TMEM179B: variants seen among roughly 807,000 people sequenced by gnomAD.
TMEM179B encodes the protein transmembrane protein 179B.
Under a neutral mutation model 18.0 loss-of-function variants are expected in TMEM179B, and 13 were observed. That is an observed-to-expected ratio of 0.72 (90% CI 0.47 to 1.15). The LOEUF is 1.15. TMEM179B is among the 50% of genes most tolerant of loss of function. The pLI is 0.00. For synonymous variants in TMEM179B, 159 were observed against 117.5 expected (o/e 1.35, Z -2.29); for missense variants, 320 against 270.6 (o/e 1.18, Z -1.28).
At position 62,789,293 on chromosome 11, in the gene TMEM179B, G is replaced by C. The variant is rs1012454474; in HGVS notation, c.286G>C (p.Gly96Arg). 1 of 1,614,098 alleles carries C rather than the reference G, an allele frequency of 6.2e-7. No individual in the cohort carries two copies. The highest frequency in any genetic ancestry group is 1.7e-5 in the Admixed American group (1 of 60,006). The change falls in exon 3 of 5, where the codon GGT (glycine) becomes CGT (arginine). Residue 96 changes from glycine (G) to arginine (R), a missense_variant and splice_region_variant. Physicochemically the swap from Gly to Arg is moderately radical, Grantham distance 125. Coordinates refer to ENST00000333449, the MANE Select transcript of TMEM179B (RefSeq NM_199337.3). ...YSSCIEDSHR[G>R]AIGLRIALAI... ...CAAGGCTTGTTCTCTCCCTTTCAGAGGTGCTATAGGGCTGCGCATTGCACT... is the reference window on the plus strand; with the variant it reads ...CAAGGCTTGTTCTCTCCCTTTCAGACGTGCTATAGGGCTGCGCATTGCACT...
intron 1 of TMEM179B, among the ~76,000 whole-genome samples, chr11:62,788,424 GC>G (rs1447395906): frequency 6.6e-6 from 1 of 151,320 alleles, no homozygotes; most frequent in African/African-American, 2.4e-5. Context: ...AAAAACACTG[GC>G]CGGGCCTGGT....
chr11:62,789,020 C>T lies in TMEM179B; in HGVS notation c.97-3C>T. ...TCTAGGACTCAGCAGCTTCTCTCCA[C>T]AGGGCTCCTTCAGTGGTAGATGTCC... On this transcript the variant is annotated splice_region_variant and splice_polypyrimidine_tract_variant and intron_variant, in intron 1 of 4. Transcript: ENST00000333449. 1 of 1,609,568 alleles carries T rather than the reference C, an allele frequency of 6.2e-7. No individual in the cohort carries two copies. The highest frequency in any genetic ancestry group is 8.5e-7 in the Non-Finnish European group (1 of 1,176,662).
rs757770845 is a variant in TMEM179B, at chr11:62,789,904, T to A, written c.517T>A (p.Leu173Met). Residue 173 changes from leucine to methionine, a missense_variant, in exon 5 of 5, where the codon TTG becomes ATG. By Grantham distance (15) the Leu-to-Met change is conservative. Transcript: ENST00000333449. ...CCTACAGACCTCTTCTTGGGTGAAT[T>A]TGGTATTGTGGTGTGTGGTCTTGGT... Reference protein sequence around the residue: ...HNAETSSWVNLVLWCVVLVLQ... With the variant: ...HNAETSSWVNMVLWCVVLVLQ... The A allele has an allele frequency of 8.7e-5, 141 of 1,613,716 alleles. No homozygotes were observed. Among genetic ancestry groups the A allele is most frequent in the Non-Finnish European group, 8.4e-5 (99 of 1,179,898 alleles).
chr11:62,789,545 T>C, intron 3 of TMEM179B, 56 bp from the exon 4 acceptor site: 1 of 1,567,462 alleles, frequency 6.4e-7, no homozygotes, highest in Non-Finnish European at 8.7e-7. Context: ...TGGGCACAGG[T>C]GTGCCTCGGA....
At chr11:62,789,518 C>T in intron 3 of TMEM179B, 83 bp from the exon 4 acceptor site, 1 of 1,590,710 alleles carries the variant, frequency 6.3e-7, no homozygotes, top group Non-Finnish European at 8.6e-7. Context: ...ATCAGTTGCT[C>T]TCAACTCACA....
In TMEM179B at chr11:62,789,639, G is replaced by T. The variant is rs767497838; in HGVS notation, c.458G>T (p.Gly153Val). 30 of 1,550,016 alleles carry T rather than the reference G, an allele frequency of 1.9e-5. No individual in the cohort carries two copies. In the South Asian group the frequency reaches 3.2e-4, roughly 16 times the overall value. The change falls in exon 4 of 5, where the codon GGA becomes GTA. Residue 153 changes from glycine to valine, a missense_variant. Coordinates refer to ENST00000333449, the MANE Select transcript of TMEM179B (RefSeq NM_199337.3). The part of the protein sequence containing the change: ...EAQKIPWTPP[G>V]TALQFYSNLH... ...CAGAAAATTCCATGGACACCCCCTG[G>T]AACTGCTCTGCAGTTTTACTCCAAC...
chr11:62,788,008 T>A lies in TMEM179B; in HGVS notation c.96+481T>A. On this transcript the variant is annotated intron_variant, in intron 1 of 4. Transcript: ENST00000333449. ...CTGACGTAAAGGTAGAAGCCAATAA[T>A]TTACATCGTTTACCCCAGCCAGGTA... 3 of 460,452 alleles carry A rather than the reference T, an allele frequency of 6.5e-6. No homozygotes were observed. The Admixed American group carries it at 7.0e-5, about 11-fold the overall frequency. The allele number at this position is 460,452 out of a possible 1,614,324, so 28.5% of individuals were successfully genotyped here.
In TMEM179B at chr11:62,790,258, TTGA is replaced by T. The variant is rs1359055055; in HGVS notation, c.*214_*216del. On this transcript the variant is annotated 3_prime_UTR_variant, in exon 5 of 5. Coordinates refer to ENST00000333449, the MANE Select transcript of TMEM179B (RefSeq NM_199337.3). ...CTGTCTTCATCTTAGTAGTGAGTTTTTGATGTTAAAGTACAACTAGATAGGAGG... is the reference window on the plus strand; with the variant it reads ...CTGTCTTCATCTTAGTAGTGAGTTTTTGTTAAAGTACAACTAGATAGGAGG... The T allele has an allele frequency of 3.4e-6, 2 of 596,384 alleles. No individual in the cohort carries two copies. The highest frequency in any genetic ancestry group is 7.2e-5 in the Admixed American group (2 of 27,716). The allele number at this position is 596,384 out of a possible 1,614,324, so 36.9% of individuals were successfully genotyped here. A position where few individuals can be genotyped will look rare whatever the true frequency, so the allele number is the denominator to read the frequency against.
chr11:62,787,573 C>G (rs775572496), intron 1 of TMEM179B, 46 bp downstream of exon 1: 29 of 1,487,522 alleles, frequency 1.9e-5, no homozygotes, highest in Middle Eastern at 2.4e-4. Context: ...GCTGGCCGGT[C>G]TGGACATGGC....
intron 1 of TMEM179B, chr11:62,787,900 AG>A: frequency 1.9e-6 from 1 of 532,016 alleles, no homozygotes; most frequent in South Asian, 1.5e-5. Flanking sequence ...CGAGAAATAA[AG>A]CATAGTGTAG....
In TMEM179B at chr11:62,787,902, C is replaced by T. The variant is rs142016442; in HGVS notation, c.96+375C>T. On this transcript the variant is annotated intron_variant, in intron 1 of 4. Coordinates refer to ENST00000333449, the MANE Select transcript of TMEM179B (RefSeq NM_199337.3). Reference sequence around the variant, plus strand: ...TGCTGAGCTTTGTCGAGAAATAAAGCATAGTGTAGTGGAGATGATCAAGCT... The same window carrying T: ...TGCTGAGCTTTGTCGAGAAATAAAGTATAGTGTAGTGGAGATGATCAAGCT... The T allele has an allele frequency of 1.4e-3, 764 of 531,582 alleles. 5 individuals are homozygous for T. Among genetic ancestry groups the T allele is most frequent in the African/African-American group, 7.9e-3 (418 of 53,010 alleles). 32.9% of individuals were successfully genotyped at this position (531,582 alleles called of 1,614,324 possible). A position where few individuals can be genotyped will look rare whatever the true frequency, so the allele number is the denominator to read the frequency against.
At chr11:62,788,993 A>C (rs778354387) in intron 1 of TMEM179B, 30 bp from the exon 2 acceptor site, 33 of 1,589,922 alleles carry the variant, frequency 2.1e-5, no homozygotes, top group Non-Finnish European at 2.7e-5. Flanking sequence ...ATTAACCTGA[A>C]ATCTAGGACT....
chr11:62,790,156 G>C lies in TMEM179B; in HGVS notation c.*109G>C. 1 of 1,284,378 alleles carries C rather than the reference G, an allele frequency of 7.8e-7. No individual in the cohort carries two copies. The highest frequency in any genetic ancestry group is 1.0e-6 in the Non-Finnish European group (1 of 965,264). The allele number at this position is 1,284,378 out of a possible 1,614,324, so 79.6% of individuals were successfully genotyped here. A position where few individuals can be genotyped will look rare whatever the true frequency, so the allele number is the denominator to read the frequency against. On this transcript the variant is annotated 3_prime_UTR_variant, in exon 5 of 5. Transcript: ENST00000333449. ...GGAGTCTTAGTTTTCCTTTCGTTGG[G>C]GGGTGGGGGGGAAACATAATGACAG...
rs200502621 is a variant in TMEM179B, at chr11:62,790,084, A to G, written c.*37A>G. The stretch of plus-strand genomic sequence containing the variant: ...AGTGCTTCCTGCAGCCGAAGACTCC[A>G]TGCCCAAGTGCCTGTAATCCCCCCC... On this transcript the variant is annotated 3_prime_UTR_variant, in exon 5 of 5. Transcript: ENST00000333449. 333 of 1,551,794 alleles carry G rather than the reference A, an allele frequency of 2.1e-4. No individual in the cohort carries two copies. Among genetic ancestry groups the G allele is most frequent in the Middle Eastern group, 1.1e-3 (5 of 4,594 alleles).
At position 62,789,162 on chromosome 11, in the gene TMEM179B, T is replaced by C. The variant is rs1381641187; in HGVS notation, c.236T>C (p.Leu79Pro). Reference sequence around the variant, plus strand: ...GGCCTCTTGGCCCTCTACTGCCTCCTGCTTTTGCTCTTCTGGATCTACAGC... The same window carrying C: ...GGCCTCTTGGCCCTCTACTGCCTCCCGCTTTTGCTCTTCTGGATCTACAGC... ...ASGLLALYCL[L>P]LLLFWIYSSC... Residue 79 changes from leucine (L) to proline (P), a missense_variant, in exon 2 of 5, where the codon CTG (leucine) becomes CCG (proline). Transcript: ENST00000333449. 1 of 1,614,230 alleles carries C rather than the reference T, an allele frequency of 6.2e-7. No homozygotes were observed. Among genetic ancestry groups the C allele is most frequent in the Non-Finnish European group, 8.5e-7 (1 of 1,180,044 alleles).
intron 1 of TMEM179B, chr11:62,787,881 G>C: frequency 1.8e-6 from 1 of 565,694 alleles, no homozygotes; most frequent in Non-Finnish European, 3.4e-6. Context: ...CATTTGTGCT[G>C]AGCTTTGTCG....
At chr11:62,787,910 A>G (rs766288275) in intron 1 of TMEM179B, 32 of 518,574 alleles carry the variant, frequency 6.2e-5, no homozygotes, top group Non-Finnish European at 1.0e-4. Context: ...AGCATAGTGT[A>G]GTGGAGATGA....
chr11:62,790,132 G>T lies in TMEM179B; in HGVS notation c.*85G>T. The T allele has an allele frequency of 2.0e-5, 24 of 1,219,032 alleles. No homozygotes were observed. Among genetic ancestry groups the T allele is most frequent in the East Asian group, 5.3e-5 (2 of 37,398 alleles). 75.5% of individuals were successfully genotyped at this position (1,219,032 alleles called of 1,614,324 possible). ...CCCCTCAAGGCCCTGTTTATGTTGG[G>T]AGTCTTAGTTTTCCTTTCGTTGGGG... On this transcript the variant is annotated 3_prime_UTR_variant, in exon 5 of 5. Transcript: ENST00000333449.
chr11:62,790,153 TGGG>T lies in TMEM179B; in HGVS notation c.*110_*112del. 2.1e-6 allele frequency: 1 copy of T among 482,490 alleles called. No homozygotes were observed. Among genetic ancestry groups the T allele is most frequent in the Non-Finnish European group, 3.3e-6 (1 of 305,348 alleles). 29.9% of individuals were successfully genotyped at this position (482,490 alleles called of 1,614,324 possible). ...TTGGGAGTCTTAGTTTTCCTTTCGT[TGGG>T]GGGTGGGGGGGAAACATAATGACAG... On this transcript the variant is annotated 3_prime_UTR_variant, in exon 5 of 5. Transcript: ENST00000333449.
Sources: allele counts gnomAD v4.1 joint callset (sites outside exome capture counted in the v4.1 genomes callset), GRCh38; gene constraint gnomAD v4.1.1; transcripts MANE v1.5; gene names NCBI Gene and HGNC (gene_info 2026-07-23, HGNC 2026-07-21).